The following SEPTIN7 variants were observed in gnomAD, a reference collection of about 807,000 sequenced individuals.
SEPTIN7 encodes the protein septin 7.
A neutral mutation model predicts 63.3 loss-of-function variants in SEPTIN7; 10 were observed. That is an observed-to-expected ratio of 0.16 (90% CI 0.10 to 0.27). The LOEUF (loss-of-function observed/expected upper bound fraction) is 0.27. SEPTIN7 is among the 10% of genes least tolerant of loss of function. The pLI is 1.00. For synonymous variants in SEPTIN7, 131 were observed against 165.3 expected, an observed-to-expected ratio of 0.79 and a Z score of 1.59; for missense variants, 310 against 521.0, an observed-to-expected ratio of 0.59 and a Z score of 3.94.
At chr7:35,912,852 T>C in the SEPTIN7 span, among the ~76,000 whole-genome samples, 2 of 152,264 alleles carry the variant, frequency 1.3e-5, no homozygotes, top group East Asian at 3.8e-4. Context: ...GTTGCAGAAA[T>C]TCATTGAATT....
At chr7:35,851,838 C>T (rs1583564143) in intron 3 of SEPTIN7, among the ~76,000 whole-genome samples, 1 of 152,244 alleles carries the variant, frequency 6.6e-6, no homozygotes, top group African/African-American at 2.4e-5. Flanking sequence ...TATTACTCTA[C>T]TAAATGTGAG....
intron 11 of SEPTIN7, among the ~76,000 whole-genome samples, chr7:35,891,468 T>C (rs1787640727): frequency 1.3e-5 from 2 of 152,198 alleles, no homozygotes; most frequent in African/African-American, 4.8e-5. Flanking sequence ...AGCATGTTAC[T>C]GTACTGAATG....
At chr7:35,890,460 T>A (rs1787562019) in intron 10 of SEPTIN7, 2 of 306,822 alleles carry the variant, frequency 6.5e-6, no homozygotes, top group Non-Finnish European at 1.2e-5. Context: ...GGAATCTAAA[T>A]TTGGTGTCAA....
chr7:35,840,509 C>T (rs987464400), intron 3 of SEPTIN7, among the ~76,000 whole-genome samples: 1 of 151,790 alleles, frequency 6.6e-6, no homozygotes, highest in Non-Finnish European at 1.5e-5. Flanking sequence ...AACTCCTGGC[C>T]TAAAGCAGTC....
At chr7:35,855,976 T>C (rs1436392536) in intron 3 of SEPTIN7, among the ~76,000 whole-genome samples, 1 of 152,204 alleles carries the variant, frequency 6.6e-6, no homozygotes, top group Non-Finnish European at 1.5e-5. Context: ...GCCTTAAGTA[T>C]TTTTAACATT....
chr7:35,888,474 T>G (rs1787415332), intron 10 of SEPTIN7, among the ~76,000 whole-genome samples: 1 of 152,116 alleles, frequency 6.6e-6, no homozygotes, highest in African/African-American at 2.4e-5. Flanking sequence ...GTTTTCTTCC[T>G]TAGGACCTTT....
At chr7:35,806,393 A>G (rs919583244) in intron 1 of SEPTIN7, among the ~76,000 whole-genome samples, 1 of 152,232 alleles carries the variant, frequency 6.6e-6, no homozygotes, top group Non-Finnish European at 1.5e-5. Flanking sequence ...TTTCTAAAGT[A>G]TGGTTGAAGG....
In SEPTIN7 at chr7:35,898,375, G is replaced by C; in HGVS notation, c.1126G>C (p.Glu376Gln). The C allele has an allele frequency of 6.5e-7, 1 of 1,544,912 alleles. No individual in the cohort carries two copies. Among genetic ancestry groups the C allele is most frequent in the Non-Finnish European group, 8.8e-7 (1 of 1,141,820 alleles). ...AAAAGTTCAAAAACTGAAGGACTCT[G>C]AAGCTGAGGTAATCAGTCTAATATC... ...KEKVQKLKDSEAELQRRHEQM... is the reference protein window; with the variant it reads ...KEKVQKLKDSQAELQRRHEQM... Residue 376 changes from glutamate to glutamine, a missense_variant, in exon 12 of 14, where the codon GAA (glutamate) becomes CAA (glutamine). Around this residue, in one of 2 missense-constraint regions of SEPTIN7, gnomAD observed 255 missense variants for 490.5 expected, o/e 0.52. Coordinates refer to ENST00000350320, the MANE Select transcript of SEPTIN7 (RefSeq NM_001788.6).
In SEPTIN7 at chr7:35,880,223, C is replaced by CTTTTTTTTTTTTTTTTTTT; in HGVS notation, c.630+285_630+303dup. On this transcript the variant is annotated intron_variant, in intron 7 of 13. Transcript: ENST00000350320. ...CTTTTCTTTTCTTTTTTTTTCTTTT[C>CTTTTTTTTTTTTTTTTTTT]TTTTTTTTTTTTTTTTTTTTGAATT... Among the ~76,000 whole-genome samples, 322 of 72,808 alleles carry CTTTTTTTTTTTTTTTTTTT rather than the reference C, an allele frequency of 4.4e-3. 1 individual carries two copies. Among genetic ancestry groups the CTTTTTTTTTTTTTTTTTTT allele is most frequent in the Middle Eastern group, 9.4e-3 (1 of 106 alleles). 47.8% of individuals were successfully genotyped at this position (72,808 alleles called of 152,430 possible).
At chr7:35,802,811 TG>T (rs925281140) in intron 1 of SEPTIN7, among the ~76,000 whole-genome samples, 16 of 142,816 alleles carry the variant, frequency 1.1e-4, no homozygotes, top group African/African-American at 4.1e-4. Context: ...TGGGTGGTGA[TG>T]GGGGGGTGGT....
intron 3 of SEPTIN7, among the ~76,000 whole-genome samples, chr7:35,856,699 G>A (rs374672255): frequency 1.9e-4 from 29 of 152,234 alleles, no homozygotes; most frequent in Middle Eastern, 3.4e-3. Flanking sequence ...CATTTCCCCT[G>A]TGGCATATAG....
chr7:35,888,663 T>C (rs1787431409), intron 10 of SEPTIN7, among the ~76,000 whole-genome samples: 1 of 151,708 alleles, frequency 6.6e-6, no homozygotes, highest in African/African-American at 2.4e-5. Flanking sequence ...CTACTAAAAA[T>C]ACAAGAAATA....
In SEPTIN7 at chr7:35,879,909, C is replaced by T. The variant is rs1265645647; in HGVS notation, c.599C>T (p.Thr200Ile). ...IPLIAKADTLTPEECQQFKKQ... is the reference protein window; with the variant it reads ...IPLIAKADTLIPEECQQFKKQ... ...CTTATTGCCAAAGCAGACACACTCA[C>T]ACCAGAGGAATGCCAACAGTTTAAA... The change falls in exon 7 of 14, where the codon ACA (threonine) becomes ATA (isoleucine). Residue 200 changes from threonine (T) to isoleucine (I), a missense_variant. Physicochemically the swap from Thr to Ile is moderately conservative, Grantham distance 89. Around this residue, in one of 2 missense-constraint regions of SEPTIN7, gnomAD observed 255 missense variants for 490.5 expected, o/e 0.52. Coordinates refer to ENST00000350320, the MANE Select transcript of SEPTIN7 (RefSeq NM_001788.6). 7 of 1,596,720 alleles carry T rather than the reference C, an allele frequency of 4.4e-6. No individual in the cohort carries two copies. The highest frequency in any genetic ancestry group is 5.1e-6 in the Non-Finnish European group (6 of 1,170,252).
intron 6 of SEPTIN7, chr7:35,874,004 A>C (rs1033464295): frequency 9.2e-5 from 39 of 424,070 alleles, no homozygotes; most frequent in Non-Finnish European, 3.7e-5. Context: ...TCCCTGCTTC[A>C]TGAAATAAAC....
Position 35,903,575 on chromosome 7 carries a change from A to G in SEPTIN7, c.1274+360A>G, listed in dbSNP as rs531718060. Among the ~76,000 whole-genome samples the G allele has an allele frequency of 1.4e-3, 219 of 152,308 alleles. 2 individuals are homozygous for G. Among genetic ancestry groups the G allele is most frequent in the African/African-American group, 4.6e-3 (190 of 41,562 alleles). On this transcript the variant is annotated intron_variant, in intron 13 of 13. Transcript: ENST00000350320. ...ACAAAGGGAACATTCTTCAAAATCTATTACATATTTAGGGGTATGTTTTAA... is the reference window on the plus strand; with the variant it reads ...ACAAAGGGAACATTCTTCAAAATCTGTTACATATTTAGGGGTATGTTTTAA...
At chr7:35,898,184 C>T in intron 11 of SEPTIN7, 64 bp from the exon 12 acceptor site, 1 of 1,312,878 alleles carries the variant, frequency 7.6e-7, no homozygotes, top group Non-Finnish European at 1.0e-6. Flanking sequence ...TCAGCTGTTT[C>T]ATAGTTCTGT....
At chr7:35,832,230 C>G in intron 2 of SEPTIN7, 1 of 369,274 alleles carries the variant, frequency 2.7e-6, no homozygotes, top group Non-Finnish European at 5.3e-6. Flanking sequence ...CAAAATTGGA[C>G]CTGGCATAAC....
At chr7:35,803,691 T>C (rs149089015) in intron 1 of SEPTIN7, among the ~76,000 whole-genome samples, 287 of 152,344 alleles carry the variant, frequency 1.9e-3, no homozygotes, top group Non-Finnish European at 3.3e-3. Flanking sequence ...ATGATTTATG[T>C]CTTTTACTAA....
chr7:35,915,034 T>C, the SEPTIN7 span, among the ~76,000 whole-genome samples: 1 of 150,594 alleles, frequency 6.6e-6, no homozygotes, highest in East Asian at 1.9e-4. Context: ...TACATGCACG[T>C]ACATATATGT....
Sources: gnomAD v4.1 joint callset for allele counts (sites outside exome capture counted in the v4.1 genomes callset) on GRCh38, gnomAD v4.1.1 for gene constraint, gnomAD v4.1.1 regional missense constraint, MANE v1.5 for transcripts, NCBI Gene and HGNC (gene_info 2026-07-23, HGNC 2026-07-21) for gene names.